The following CSRP1 variants were observed in gnomAD, a reference collection of about 807,000 sequenced individuals.
CSRP1 encodes the protein cysteine and glycine-rich protein 1.
A neutral mutation model predicts 25.4 loss-of-function variants in CSRP1; 16 were observed. The ratio of observed to expected loss-of-function variants is 0.63; its 90% CI spans 0.43 to 0.96. The LOEUF is 0.96. Among genes scored for constraint, CSRP1 ranks in the 40% least tolerant of loss-of-function variants. The pLI, the probability that CSRP1 is intolerant of heterozygous loss-of-function variation, is 0.00. For missense variants in CSRP1, 212 were observed against 243.6 expected (o/e 0.87, Z 0.86); for synonymous variants, 97 against 95.3 (o/e 1.02, Z -0.10).
At chr1:201,491,736 A>G (rs1664343881) in intron 2 of CSRP1, 1 of 152,202 alleles carries the variant, frequency 6.6e-6, no homozygotes, top group South Asian at 2.1e-4. Flanking sequence ...TTCCTTAAAT[A>G]TTGGAGTTCA....
rs1280294402 is a variant in CSRP1 at position 201,485,302 on chromosome 1, A to G, written c.486T>C (p.Asp162=). 6.2e-7 allele frequency: 1 copy of G among 1,614,158 alleles called. No individual in the cohort carries two copies. Among genetic ancestry groups the G allele is most frequent in the East Asian group, 2.2e-5 (1 of 44,884 alleles). Residue 162 remains aspartate, a synonymous_variant, in exon 5 of 6, where the codon GAT becomes GAC. Coordinates refer to ENST00000340006, the MANE Select transcript of CSRP1 (RefSeq NM_004078.3). ...GLESTTLADK[D]GEIYCKGCYA... The stretch of plus-strand genomic sequence containing the variant: ...ACCCACCTTTGCAGTAAATCTCGCC[A>G]TCCTTGTCTGCCAGGGTGGTTGACT...
intron 1 of CSRP1, among the ~76,000 whole-genome samples, chr1:201,498,467 G>A (rs548533273): frequency 9.8e-5 from 15 of 152,320 alleles, no homozygotes; most frequent in South Asian, 8.3e-4. Flanking sequence ...GAGAGCTCAC[G>A]GAACCTGTCA....
intron 1 of CSRP1, among the ~76,000 whole-genome samples, chr1:201,501,782 C>G (rs1009478167): frequency 3.3e-5 from 5 of 152,082 alleles, no homozygotes; most frequent in African/African-American, 1.2e-4. Flanking sequence ...CACTTGAGGT[C>G]AGGAGTTCGA....
At chr1:201,500,653 C>A (rs939097290) in intron 1 of CSRP1, among the ~76,000 whole-genome samples, 2 of 152,240 alleles carry the variant, frequency 1.3e-5, no homozygotes, top group Non-Finnish European at 2.9e-5. Context: ...GAGGTCCTGT[C>A]CCCCTCTGCC....
chr1:201,487,663 T>C (rs1341777409), intron 4 of CSRP1: 2 of 152,228 alleles, frequency 1.3e-5, no homozygotes, highest in African/African-American at 4.8e-5. Context: ...GGAAATGGGT[T>C]TGAAGAGGCT....
chr1:201,495,901 AAG>A (rs961213863), intron 2 of CSRP1: 21 of 340,000 alleles, frequency 6.2e-5, no homozygotes, highest in African/African-American at 4.4e-4. Context: ...GGAGAGAGAG[AAG>A]AGAGAGCTGA....
At chr1:201,496,151 G>T in intron 2 of CSRP1, 41 bp downstream of exon 2, 1 of 1,513,938 alleles carries the variant, frequency 6.6e-7, no homozygotes. Context: ...GCCCGTCCAG[G>T]GTGTCCAAGG....
At position 201,485,352 on chromosome 1, in the gene CSRP1, A is replaced by G; in HGVS notation, c.436T>C (p.Cys146Arg). Residue 146 changes from cysteine to arginine, a missense_variant, in exon 5 of 6, where the codon TGT becomes CGT. By Grantham distance (180) the Cys-to-Arg change is radical. Coordinates refer to ENST00000340006, the MANE Select transcript of CSRP1 (RefSeq NM_004078.3). ...TCAAGGCCTTTGCCACACTTGGCAC[A>G]TCGAAAGCAGGCCTTATGCCAGGAC... The part of the protein sequence containing the change: ...GKSWHKACFR[C>R]AKCGKGLEST... The G allele has an allele frequency of 2.5e-6, 4 of 1,614,190 alleles. No individual in the cohort carries two copies. The highest frequency in any genetic ancestry group is 2.5e-6 in the Non-Finnish European group (3 of 1,180,018).
intron 4 of CSRP1, chr1:201,486,318 TAA>T: frequency 1.0e-6 from 1 of 984,184 alleles, no homozygotes; most frequent in Non-Finnish European, 1.2e-6. Flanking sequence ...CTGGGCAGGC[TAA>T]GAGGCTGATG....
intron 1 of CSRP1, among the ~76,000 whole-genome samples, chr1:201,505,057 G>C (rs538211277): frequency 2.6e-5 from 4 of 152,102 alleles, no homozygotes; most frequent in African/African-American, 9.7e-5. Context: ...CCAATGTCAC[G>C]CCATTGCACT....
chr1:201,484,592 G>C lies in CSRP1; in HGVS notation c.*121C>G. On this transcript the variant is annotated 3_prime_UTR_variant, in exon 6 of 6. Transcript: ENST00000340006. ...AAGGGAGCCAGATGCCCAAGTTCAA[G>C]TCATTAGTGATATGTGGCAGGGCTG... 1.0e-6 allele frequency: 1 copy of C among 978,692 alleles called. No individual in the cohort carries two copies. Among genetic ancestry groups the C allele is most frequent in the South Asian group, 1.6e-5 (1 of 62,732 alleles). The allele number at this position is 978,692 out of a possible 1,614,324, so 60.6% of individuals were successfully genotyped here. A position where few individuals can be genotyped will look rare whatever the true frequency, so the allele number is the denominator to read the frequency against.
At chr1:201,490,567 A>G (rs1048123625) in intron 2 of CSRP1, 8 of 502,306 alleles carry the variant, frequency 1.6e-5, no homozygotes, top group African/African-American at 3.8e-5. Flanking sequence ...GCCAACACCA[A>G]TTCCTCTTCC....
intron 5 of CSRP1, 79 bp downstream of exon 5, chr1:201,485,204 C>T (rs1373444598): frequency 8.3e-7 from 1 of 1,208,476 alleles, no homozygotes; most frequent in African/African-American, 1.5e-5. Flanking sequence ...AATTAGTTTA[C>T]ATTCAGCAAA....
Position 201,485,349 on chromosome 1 carries a change from C to T in CSRP1, c.439G>A (p.Ala147Thr), listed in dbSNP as rs1425916681. ...KSWHKACFRC[A>T]KCGKGLESTT... Reference sequence around the variant, plus strand: ...GACTCAAGGCCTTTGCCACACTTGGCACATCGAAAGCAGGCCTTATGCCAG... The same window carrying T: ...GACTCAAGGCCTTTGCCACACTTGGTACATCGAAAGCAGGCCTTATGCCAG... Residue 147 changes from alanine (A) to threonine (T), a missense_variant, in exon 5 of 6, where the codon GCC becomes ACC. Transcript: ENST00000340006. 2 of 1,614,066 alleles carry T rather than the reference C, an allele frequency of 1.2e-6. No homozygotes were observed. The highest frequency in any genetic ancestry group is 3.3e-5 in the Admixed American group (2 of 60,002).
At chr1:201,500,704 A>T (rs1293946219) in intron 1 of CSRP1, among the ~76,000 whole-genome samples, 1 of 152,230 alleles carries the variant, frequency 6.6e-6, no homozygotes, top group Non-Finnish European at 1.5e-5. Flanking sequence ...TGTGGGGAAG[A>T]GGCTCAGCTG....
intron 1 of CSRP1, among the ~76,000 whole-genome samples, chr1:201,501,019 C>G (rs1664655033): frequency 6.6e-6 from 1 of 152,204 alleles, no homozygotes; most frequent in African/African-American, 2.4e-5. Context: ...GGATTTACCC[C>G]TTCCTAGCTG....
chr1:201,506,227 G>C lies in CSRP1; in HGVS notation c.-2+843C>G, dbSNP rs114931822. ...GCCACTGTGATAGTATCCCAGCGTG[G>C]GGAGAGCCTGCCCATTCATTCACTC... On this transcript the variant is annotated intron_variant, in intron 1 of 5. Coordinates refer to ENST00000340006, the MANE Select transcript of CSRP1 (RefSeq NM_004078.3). Among the ~76,000 whole-genome samples, 640 of 152,222 alleles carry C rather than the reference G, an allele frequency of 4.2e-3. 5 individuals are homozygous for C. The highest frequency in any genetic ancestry group is 0.015 in the African/African-American group (614 of 41,530).
Position 201,488,906 on chromosome 1 carries a change from G to T in CSRP1, c.360C>A (p.Pro120=). 1 of 1,614,126 alleles carries T rather than the reference G, an allele frequency of 6.2e-7. No individual in the cohort carries two copies. The highest frequency in any genetic ancestry group is 1.1e-5 in the South Asian group (1 of 91,074). Residue 120 remains proline (P), a synonymous_variant, in exon 4 of 6, where the codon CCC becomes CCA. Coordinates refer to ENST00000340006, the MANE Select transcript of CSRP1 (RefSeq NM_004078.3). The part of the protein sequence containing the change: ...AQKIGGSERC[P]RCSQAVYAAE... Reference sequence around the variant, plus strand: ...CAGCATAGACTGCCTGGCTGCATCGGGGGCAGCGCTCGGAGCCACCAATCT... The same window carrying T: ...CAGCATAGACTGCCTGGCTGCATCGTGGGCAGCGCTCGGAGCCACCAATCT...
rs995390904 is a variant in CSRP1, at chr1:201,496,196, C to T, written c.108G>A (p.Leu36=). ...TAGGGCCTGGGGCGTACTCACTGCA[C>T]AGGAAGCAGGATTTATGGAAGCTGT... ...EGNSFHKSCF[L]CMVCKKNLDS... The change falls in exon 2 of 6, where the codon CTG becomes CTA. Residue 36 remains leucine (L), a synonymous_variant. Transcript: ENST00000340006. 1 of 1,613,720 alleles carries T rather than the reference C, an allele frequency of 6.2e-7. No homozygotes were observed. Among genetic ancestry groups the T allele is most frequent in the African/African-American group, 1.3e-5 (1 of 74,944 alleles).
Sources: gnomAD v4.1 joint callset for allele counts (sites outside exome capture counted in the v4.1 genomes callset) on GRCh38, gnomAD v4.1.1 for gene constraint, MANE v1.5 for transcripts, NCBI Gene and HGNC (gene_info 2026-07-23, HGNC 2026-07-21) for gene names.